DTNB: variants seen among roughly 807,000 people sequenced by gnomAD.
The protein encoded by DTNB is dystrobrevin beta.
Under a neutral mutation model 90.7 loss-of-function variants are expected in DTNB, and 63 were observed. That is an observed-to-expected ratio of 0.69 (90% CI 0.57 to 0.86). DTNB has a LOEUF of 0.86. Ranked by LOEUF, DTNB falls within the 40% of genes least tolerant of loss-of-function variation. The probability of loss-of-function intolerance (pLI) is 0.00; values close to 1 mark genes in which losing one functional copy is unlikely to be tolerated. For missense variants in DTNB, 744 were observed against 807.1 expected (o/e 0.92, Z 0.95); for synonymous variants, 277 against 286.7 (o/e 0.97, Z 0.34).
intron 4 of DTNB, among the ~76,000 whole-genome samples, chr2:25,608,327 C>T (rs141363044): frequency 6.6e-6 from 1 of 152,122 alleles, no homozygotes; most frequent in African/African-American, 2.4e-5. Flanking sequence ...AAAGATCACA[C>T]CTGAAAAAAG....
chr2:25,451,053 G>A (rs1178481466), intron 12 of DTNB, among the ~76,000 whole-genome samples: 2 of 152,140 alleles, frequency 1.3e-5, no homozygotes, highest in African/African-American at 2.4e-5. Flanking sequence ...TGATCTGCCC[G>A]CCTCAGCCTC....
chr2:25,487,859 A>G (rs970836599), intron 9 of DTNB, among the ~76,000 whole-genome samples: 5 of 152,174 alleles, frequency 3.3e-5, no homozygotes, highest in Non-Finnish European at 5.9e-5. Context: ...ATGTGAAAGG[A>G]GCTTGTCCTA....
chr2:25,440,453 GT>G (rs1350053052), intron 12 of DTNB, among the ~76,000 whole-genome samples: 4 of 152,188 alleles, frequency 2.6e-5, no homozygotes, highest in Non-Finnish European at 4.4e-5. Flanking sequence ...CTCTTGCATC[GT>G]AAGTTAGTAA....
At chr2:25,508,551 T>TTTTA (rs2073102071) in intron 9 of DTNB, among the ~76,000 whole-genome samples, 1 of 151,232 alleles carries the variant, frequency 6.6e-6, no homozygotes, top group African/African-American at 2.4e-5. Flanking sequence ...TTTATTTTTT[T>TTTTA]GAGATGGAGT....
Position 25,648,993 on chromosome 2 carries a change from C to CTTTTTTTTTTTTTTTTTT in DTNB, c.67+3583_67+3600dup, listed in dbSNP as rs60749102. ...AAAAACAAGACGCTATCCTTCCTACCTTTTTTTTTTTTTTTTTTTTTTTTT... is the reference window on the plus strand; with the variant it reads ...AAAAACAAGACGCTATCCTTCCTACCTTTTTTTTTTTTTTTTTTTTTTTTTTTTTTTTTTTTTTTTTTT... On this transcript the variant is annotated intron_variant, in intron 2 of 20. Transcript: ENST00000406818. Among the ~76,000 whole-genome samples the CTTTTTTTTTTTTTTTTTT allele has an allele frequency of 2.1e-5, 2 of 93,988 alleles. 1 individual carries two copies. The highest frequency in any genetic ancestry group is 4.0e-5 in the Non-Finnish European group (2 of 50,618). The allele number at this position is 93,988 out of a possible 152,430, so 61.7% of individuals were successfully genotyped here.
At chr2:25,386,601 A>G (rs1397012742) in intron 18 of DTNB, among the ~76,000 whole-genome samples, 1 of 152,194 alleles carries the variant, frequency 6.6e-6, no homozygotes, top group Non-Finnish European at 1.5e-5. Flanking sequence ...TCCTGGAGAT[A>G]GGAGGATACG....
intron 12 of DTNB, among the ~76,000 whole-genome samples, chr2:25,445,399 G>A (rs1217161319): frequency 6.6e-6 from 1 of 152,158 alleles, no homozygotes; most frequent in African/African-American, 2.4e-5. Context: ...TACGTGAGCT[G>A]ACATTAGATT....
At chr2:25,628,908 A>T (rs1042422750) in intron 3 of DTNB, among the ~76,000 whole-genome samples, 1 of 152,170 alleles carries the variant, frequency 6.6e-6, no homozygotes, top group Non-Finnish European at 1.5e-5. Flanking sequence ...GCCAAAAATA[A>T]ATTTATCTAC....
At chr2:25,467,540 G>C (rs529993532) in intron 10 of DTNB, among the ~76,000 whole-genome samples, 1 of 152,174 alleles carries the variant, frequency 6.6e-6, no homozygotes, top group African/African-American at 2.4e-5. Flanking sequence ...CTAGCCTCAA[G>C]TGATCCTCCC....
At chr2:25,504,380 AAAG>A (rs2071731199) in intron 9 of DTNB, among the ~76,000 whole-genome samples, 1 of 150,790 alleles carries the variant, frequency 6.6e-6, no homozygotes, top group African/African-American at 2.4e-5. Flanking sequence ...AGAAGGAAAG[AAAG>A]AAGGAAAGAA....
intron 5 of DTNB, 117 bp downstream of exon 5, chr2:25,607,119 G>A (rs1027600371): frequency 1.9e-6 from 2 of 1,078,068 alleles, no homozygotes; most frequent in African/African-American, 3.2e-5. Context: ...GCTGCAGCGT[G>A]AGTGACATGG....
At chr2:25,640,817 T>A (rs1573900922) in intron 2 of DTNB, among the ~76,000 whole-genome samples, 3 of 151,814 alleles carry the variant, frequency 2.0e-5, no homozygotes, top group Admixed American at 2.0e-4. Flanking sequence ...CCATCCTGAC[T>A]AACATGGTGA....
chr2:25,379,319 C>G lies in DTNB; in HGVS notation c.1884G>C (p.Ter628TyrextTer73). The part of the protein sequence containing the change: ...EKMQNGKDRG[*>Y] ...GCTTCCTCTGTGTCCGGCTCCTCTG[C>G]TAACCTGTGGCAGCATGGGCAGAAA... is the stretch of plus-strand genomic sequence containing the variant. Residue 628 changes from the stop codon to tyrosine, a stop_lost, in exon 20 of 21, where the codon TAG becomes TAC. Coordinates refer to ENST00000406818, the MANE Select transcript of DTNB (RefSeq NM_021907.5). 1 of 1,319,294 alleles carries G rather than the reference C, an allele frequency of 7.6e-7. No homozygotes were observed. The highest frequency in any genetic ancestry group is 2.9e-5 in the South Asian group (1 of 34,226). 81.7% of individuals were successfully genotyped at this position (1,319,294 alleles called of 1,614,324 possible). A position where few individuals can be genotyped will look rare whatever the true frequency, so the allele number is the denominator to read the frequency against.
rs147545916 is a variant in DTNB at position 25,655,769 on chromosome 2, C to T, written c.-1-3108G>A. Reference sequence around the variant, plus strand: ...CCCTATCCCCTACCAGGTACACTGGCCTGACAGCACCTGAGAGCTTTCTCT... The same window carrying T: ...CCCTATCCCCTACCAGGTACACTGGTCTGACAGCACCTGAGAGCTTTCTCT... On this transcript the variant is annotated intron_variant, in intron 1 of 20. Coordinates refer to ENST00000406818, the MANE Select transcript of DTNB (RefSeq NM_021907.5). Among the ~76,000 whole-genome samples, 59 of 152,298 alleles carry T rather than the reference C, an allele frequency of 3.9e-4. No individual in the cohort carries two copies. In the East Asian group the frequency reaches 0.011, roughly 27 times the overall value.
chr2:25,449,543 T>C (rs370438239), intron 12 of DTNB, among the ~76,000 whole-genome samples: 10 of 152,358 alleles, frequency 6.6e-5, no homozygotes, highest in East Asian at 5.8e-4. Context: ...AGTGGTATCA[T>C]TGGCATTTTC....
At chr2:25,652,684 T>G in intron 1 of DTNB, 23 bp from the exon 2 acceptor site, 6 of 1,605,786 alleles carry the variant, frequency 3.7e-6, no homozygotes, top group Non-Finnish European at 5.1e-6. Flanking sequence ...AAAGATACAA[T>G]AAACCACTGT....
At chr2:25,488,329 A>G (rs537839461) in intron 9 of DTNB, among the ~76,000 whole-genome samples, 2 of 152,324 alleles carry the variant, frequency 1.3e-5, no homozygotes, top group East Asian at 3.9e-4. Context: ...AATAAAGAAT[A>G]AGAGATTTTT....
chr2:25,544,768 G>C (rs937414379), intron 8 of DTNB, among the ~76,000 whole-genome samples: 2 of 152,126 alleles, frequency 1.3e-5, no homozygotes, highest in Non-Finnish European at 2.9e-5. Context: ...CTTATTATAA[G>C]CTCACCAAAA....
At chr2:25,598,859 A>G (rs1395654469) in intron 5 of DTNB, 1 of 152,158 alleles carries the variant, frequency 6.6e-6, no homozygotes, top group Non-Finnish European at 1.5e-5. Context: ...GCCAATTTAT[A>G]GTGAGAAAAA....
Sources: allele counts gnomAD v4.1 joint callset (sites outside exome capture counted in the v4.1 genomes callset), GRCh38; gene constraint gnomAD v4.1.1; transcripts MANE v1.5; gene names NCBI Gene and HGNC (gene_info 2026-07-23, HGNC 2026-07-21).